Variants in CLCN6 observed in about 807,000 individuals in gnomAD.
CLCN6 encodes H(+)/Cl(-) exchange transporter 6.
CLCN6 carries 70 observed loss-of-function variants against 109.8 expected under a neutral mutation model. That is an observed-to-expected ratio of 0.64 (90% CI 0.53 to 0.78). CLCN6 has a LOEUF of 0.78. Among genes scored for constraint, CLCN6 ranks in the 30% least tolerant of loss-of-function variants. The pLI is 0.00. For missense variants in CLCN6, 984 were observed against 1,142.3 expected (o/e 0.86, Z 2.00); for synonymous variants, 444 against 447.8 (o/e 0.99, Z 0.11).
At position 11,807,117 on chromosome 1, in the gene CLCN6, ATC is replaced by A; in HGVS notation, c.88-12_88-11del. On this transcript the variant is annotated splice_polypyrimidine_tract_variant and intron_variant, in intron 1 of 22. Transcript: ENST00000346436. ...CCACTAAAAAAGGCTCCCTCTGCGG[ATC>A]TGTTTTTCTAGACCATCCTTGGAGA... 1 of 1,613,692 alleles carries A rather than the reference ATC, an allele frequency of 6.2e-7. No homozygotes were observed. The highest frequency in any genetic ancestry group is 2.2e-5 in the East Asian group (1 of 44,878).
chr1:11,835,229 G>A (rs1222039172), intron 17 of CLCN6, among the ~76,000 whole-genome samples: 1 of 152,304 alleles, frequency 6.6e-6, no homozygotes, highest in East Asian at 1.9e-4. Context: ...AGTTTGCTGT[G>A]CCCTGATCTA....
chr1:11,831,145 ATGTTTTTGTTTTTGTTTT>A (rs575265939), intron 13 of CLCN6, among the ~76,000 whole-genome samples: 3 of 142,542 alleles, frequency 2.1e-5, no homozygotes, highest in Admixed American at 2.1e-4. Context: ...TTATATATAT[ATGTTTTTGTTTTTGTTTT>A]TGTTTTTGTT....
chr1:11,825,209 G>A (rs918688132), intron 8 of CLCN6, among the ~76,000 whole-genome samples: 7 of 152,212 alleles, frequency 4.6e-5, no homozygotes, highest in Non-Finnish European at 7.3e-5. Context: ...TCCCTCTCCA[G>A]TCCTGAGAAG....
At chr1:11,822,645 G>A (rs186127220) in intron 5 of CLCN6, 50 bp from the exon 6 acceptor site, 24 of 1,109,426 alleles carry the variant, frequency 2.2e-5, no homozygotes, top group Admixed American at 3.4e-5. Flanking sequence ...AAGTGATGAC[G>A]GGGACACCCC....
Position 11,828,626 on chromosome 1 carries a change from T to G in CLCN6, c.1121+2T>G, listed in dbSNP as rs1483108885. On this transcript the variant is annotated splice_donor_variant, in intron 12 of 22. Transcript: ENST00000346436. LOFTEE classifies it high-confidence loss of function. ...GCACCCGAAACCTAAGCTCGTCAGG[T>G]ATCTGCACAGTCGCCTCCCCCCCGA... 1.2e-6 allele frequency: 2 copies of G among 1,600,600 alleles called. No homozygotes were observed. The highest frequency in any genetic ancestry group is 8.5e-7 in the Non-Finnish European group (1 of 1,172,930).
At chr1:11,820,993 T>G (rs1454716740) in intron 5 of CLCN6, among the ~76,000 whole-genome samples, 2 of 150,098 alleles carry the variant, frequency 1.3e-5, no homozygotes, top group Non-Finnish European at 3.0e-5. Flanking sequence ...GGAGAATCGC[T>G]TGAACCCGGG....
At chr1:11,835,058 G>A (rs1644927266) in intron 17 of CLCN6, among the ~76,000 whole-genome samples, 1 of 152,214 alleles carries the variant, frequency 6.6e-6, no homozygotes, top group East Asian at 1.9e-4. Flanking sequence ...AGCAGGCAAG[G>A]CCCTTACGGG....
chr1:11,810,734 T>A (rs191916152), intron 2 of CLCN6, among the ~76,000 whole-genome samples: 10 of 152,198 alleles, frequency 6.6e-5, no homozygotes, highest in Admixed American at 5.9e-4. Context: ...ATTCCATTGG[T>A]ACATATTTAC....
intron 4 of CLCN6, among the ~76,000 whole-genome samples, chr1:11,818,123 AAG>A (rs1192487083): frequency 2.6e-5 from 4 of 152,122 alleles, no homozygotes; most frequent in Admixed American, 2.6e-4. Context: ...AATTAAAAAA[AAG>A]AAATCTCAGG....
At position 11,827,151 on chromosome 1, in the gene CLCN6, C is replaced by T. The variant is rs778732719; in HGVS notation, c.770C>T (p.Pro257Leu). 6.2e-7 allele frequency: 1 copy of T among 1,613,894 alleles called. No homozygotes were observed. The highest frequency in any genetic ancestry group is 1.1e-5 in the South Asian group (1 of 91,052). ...AAGVAAAFGAPIGGTLFSLEE... is the reference protein window; with the variant it reads ...AAGVAAAFGALIGGTLFSLEE... ...GGAGTTGCTGCAGCTTTCGGGGCGCCAATCGGGGGTACCTTGTTCAGTCTA... is the reference window on the plus strand; with the variant it reads ...GGAGTTGCTGCAGCTTTCGGGGCGCTAATCGGGGGTACCTTGTTCAGTCTA... The change falls in exon 10 of 23, where the codon CCA (proline) becomes CTA (leucine). Residue 257 changes from proline to leucine, a missense_variant. Coordinates refer to ENST00000346436, the MANE Select transcript of CLCN6 (RefSeq NM_001286.5).
chr1:11,838,520 G>C lies in CLCN6; in HGVS notation c.2404-15G>C. The C allele has an allele frequency of 6.2e-7, 1 of 1,607,286 alleles. No homozygotes were observed. The highest frequency in any genetic ancestry group is 8.5e-7 in the Non-Finnish European group (1 of 1,174,416). ...TGGCGTCTCAGGCAGTCAGTGACAC[G>C]TGGTCTCTTTGCAGGATGTCACCCC... On this transcript the variant is annotated splice_polypyrimidine_tract_variant and intron_variant, in intron 21 of 22. Coordinates refer to ENST00000346436, the MANE Select transcript of CLCN6 (RefSeq NM_001286.5).
chr1:11,815,856 A>G lies in CLCN6; in HGVS notation c.158A>G (p.Tyr53Cys), dbSNP rs754450719. ...LPRKDYESLD[Y>C]DRCINDPYLE... Reference sequence around the variant, plus strand: ...TTTGCCTCTTTTCAGAGTTTGGATTATGATCGCTGTATCAATGACCCTTAC... The same window carrying G: ...TTTGCCTCTTTTCAGAGTTTGGATTGTGATCGCTGTATCAATGACCCTTAC... The change falls in exon 3 of 23, where the codon TAT becomes TGT. Residue 53 changes from tyrosine (Y) to cysteine (C), a missense_variant. Transcript: ENST00000346436. 1.2e-6 allele frequency: 2 copies of G among 1,613,722 alleles called. No homozygotes were observed. The highest frequency in any genetic ancestry group is 1.7e-6 in the Non-Finnish European group (2 of 1,179,726).
In CLCN6 at chr1:11,837,355, C is replaced by T; in HGVS notation, c.2151C>T (p.Tyr717=). The change falls in exon 20 of 23, where the codon TAC becomes TAT. Residue 717 remains tyrosine (Y), a synonymous_variant. Coordinates refer to ENST00000346436, the MANE Select transcript of CLCN6 (RefSeq NM_001286.5). ...QQMLERRYTP[Y]PNLYPDQSPS... ...TTTTGTGTAACAGATACACTCCCTACCCCAACCTATACCCTGACCAGTCCC... is the reference window on the plus strand; with the variant it reads ...TTTTGTGTAACAGATACACTCCCTATCCCAACCTATACCCTGACCAGTCCC... The T allele has an allele frequency of 3.1e-6, 5 of 1,611,638 alleles. No homozygotes were observed. The highest frequency in any genetic ancestry group is 4.2e-6 in the Non-Finnish European group (5 of 1,177,904).
At chr1:11,837,576 T>C (rs979383436) in intron 20 of CLCN6, 77 bp downstream of exon 20, 2 of 1,439,806 alleles carry the variant, frequency 1.4e-6, no homozygotes, top group African/African-American at 1.4e-5. Flanking sequence ...CGGCGGGCCG[T>C]GAACAGTGCC....
intron 5 of CLCN6, chr1:11,820,761 C>T (rs891712199): frequency 6.5e-5 from 11 of 168,246 alleles, no homozygotes; most frequent in South Asian, 3.1e-4. Context: ...AGCAAGACTC[C>T]GTCTCAAAAA....
intron 6 of CLCN6, 65 bp from the exon 7 acceptor site, chr1:11,823,642 T>C: frequency 6.2e-7 from 1 of 1,609,166 alleles, no homozygotes; most frequent in Non-Finnish European, 8.5e-7. Flanking sequence ...CCGCCCAGAT[T>C]GTTGAGGGTA....
intron 8 of CLCN6, among the ~76,000 whole-genome samples, chr1:11,824,767 G>T (rs1644790954): frequency 6.6e-6 from 1 of 152,156 alleles, no homozygotes; most frequent in Admixed American, 6.5e-5. Flanking sequence ...GCAAAAATGA[G>T]ACATAGAGAA....
In CLCN6 at chr1:11,834,416, C is replaced by G. The variant is rs751003448; in HGVS notation, c.1686+21C>G. The G allele has an allele frequency of 1.9e-6, 3 of 1,613,118 alleles. No homozygotes were observed. Among genetic ancestry groups the G allele is most frequent in the Non-Finnish European group, 2.5e-6 (3 of 1,179,266 alleles). ...TGATGGTGAGCACACTCCCTCCAGG[C>G]CCCTGTCAGGCTCAGGGCCACGTCC... is the stretch of plus-strand genomic sequence containing the variant. On this transcript the variant is annotated intron_variant, in intron 16 of 22. Transcript: ENST00000346436. The surrounding 1 kb of genome is among the most constrained non-coding windows in gnomAD (Gnocchi z 4.5).
rs751687327 is a variant in CLCN6, at chr1:11,835,432, T to TGG, written c.1794-534_1794-533dup. Among the ~76,000 whole-genome samples, 7 of 152,290 alleles carry TGG rather than the reference T, an allele frequency of 4.6e-5. No individual in the cohort carries two copies. The East Asian group carries it at 1.4e-3, about 29-fold the overall frequency. On this transcript the variant is annotated intron_variant, in intron 17 of 22. Transcript: ENST00000346436. ...GATCACAGGCGCGTGCCACCACACC[T>TGG]GGCTAATTTTTAACATTTTTTTTAT...
Sources: gnomAD v4.1 joint callset for allele counts (sites outside exome capture counted in the v4.1 genomes callset) on GRCh38, gnomAD v4.1.1 for gene constraint, Gnocchi (gnomAD v3.1) non-coding constraint, MANE v1.5 for transcripts, NCBI Gene and HGNC (gene_info 2026-07-23, HGNC 2026-07-21) for gene names.